VPS13D: variants seen among roughly 807,000 people sequenced by gnomAD.
VPS13D encodes vacuolar protein sorting 13 homolog D.
VPS13D carries 187 observed loss-of-function variants against 461.9 expected under a neutral mutation model. That is an observed-to-expected ratio of 0.40 (90% CI 0.36 to 0.46). VPS13D has a LOEUF of 0.46. VPS13D is among the 20% of genes least tolerant of loss of function. VPS13D has a pLI of 0.60. For missense variants in VPS13D, 4,711 were observed against 5,364.9 expected, an observed-to-expected ratio of 0.88 and a Z score of 3.81; for synonymous variants, 1,951 against 1,986.3, an observed-to-expected ratio of 0.98 and a Z score of 0.47.
intron 67 of VPS13D, among the ~76,000 whole-genome samples, chr1:12,493,177 A>G (rs1645907957): frequency 6.7e-6 from 1 of 149,214 alleles, no homozygotes; most frequent in African/African-American, 2.5e-5. Flanking sequence ...CCTAAAGACC[A>G]GTTATTAAAA....
intron 67 of VPS13D, among the ~76,000 whole-genome samples, chr1:12,484,887 C>T (rs1645776725): frequency 6.6e-6 from 1 of 151,948 alleles, no homozygotes; most frequent in African/African-American, 2.4e-5. Context: ...AGTGTGATGC[C>T]ACAGGTTTCA....
At chr1:12,399,918 C>G (rs1415987312) in intron 60 of VPS13D, among the ~76,000 whole-genome samples, 2 of 152,042 alleles carry the variant, frequency 1.3e-5, no homozygotes, top group Non-Finnish European at 2.9e-5. Flanking sequence ...ATATGTATTG[C>G]CTCACATACT....
At chr1:12,247,703 A>ATTT (rs778720883) in intron 5 of VPS13D, among the ~76,000 whole-genome samples, 5 of 131,324 alleles carry the variant, frequency 3.8e-5, no homozygotes, top group Non-Finnish European at 6.6e-5. Context: ...CTTTGCCACA[A>ATTT]TTTTTTTTTT....
intron 63 of VPS13D, among the ~76,000 whole-genome samples, chr1:12,405,823 G>C (rs1443116157): frequency 6.6e-6 from 1 of 152,112 alleles, no homozygotes; most frequent in African/African-American, 2.4e-5. Context: ...TTTCCTGAGG[G>C]TTGAGGACTT....
At chr1:12,485,585 G>A (rs1645787069) in intron 67 of VPS13D, among the ~76,000 whole-genome samples, 1 of 152,204 alleles carries the variant, frequency 6.6e-6, no homozygotes, top group East Asian at 1.9e-4. Context: ...TCAGCTTTTT[G>A]CATTTCATCA....
At chr1:12,382,838 G>T in intron 57 of VPS13D, 138 bp from the exon 58 acceptor site, 1 of 716,896 alleles carries the variant, frequency 1.4e-6, no homozygotes, top group East Asian at 2.6e-5. Context: ...TGAACAAATA[G>T]TAAAGGCTTT....
chr1:12,491,636 T>G (rs1223093597), intron 67 of VPS13D, among the ~76,000 whole-genome samples: 1 of 152,222 alleles, frequency 6.6e-6, no homozygotes, highest in Non-Finnish European at 1.5e-5. Flanking sequence ...AATGGCCAGA[T>G]GCAGGCACAC....
At chr1:12,508,857 C>A in intron 69 of VPS13D, 36 bp from the exon 70 acceptor site, 1 of 1,605,338 alleles carries the variant, frequency 6.2e-7, no homozygotes. Context: ...TTTCCCCATC[C>A]TGGGGACAGG....
At chr1:12,235,411 A>G (rs1640116377) in intron 2 of VPS13D, among the ~76,000 whole-genome samples, 1 of 152,016 alleles carries the variant, frequency 6.6e-6, no homozygotes, top group South Asian at 2.1e-4. Context: ...ACCTGTCTCT[A>G]CTAAAAATAC....
At chr1:12,290,690 T>C (rs1255589067) in intron 22 of VPS13D, among the ~76,000 whole-genome samples, 3 of 149,580 alleles carry the variant, frequency 2.0e-5, no homozygotes, top group Non-Finnish European at 4.4e-5. Flanking sequence ...GCCACTGTAC[T>C]CCAGCCTGGG....
rs984220223 is a variant in VPS13D, at chr1:12,378,501, C to T, written c.10991C>T (p.Pro3664Leu). 1 of 1,612,868 alleles carries T rather than the reference C, an allele frequency of 6.2e-7. No homozygotes were observed. The highest frequency in any genetic ancestry group is 1.3e-5 in the African/African-American group (1 of 74,924). ...CTGGCCCATGAGGGCTCCTCAGTTC[C>T]TCACAATCCCAATAAGCCCTCAGCC... The part of the protein sequence containing the change: ...GMLAHEGSSV[P>L]HNPNKPSAAR... Residue 3664 changes from proline (P) to leucine (L), a missense_variant, in exon 56 of 70, where the codon CCT becomes CTT. Physicochemically the swap from Pro to Leu is moderately conservative, Grantham distance 98. Coordinates refer to ENST00000620676, the MANE Select transcript of VPS13D (RefSeq NM_015378.4).
intron 67 of VPS13D, among the ~76,000 whole-genome samples, chr1:12,465,875 G>C (rs1373281115): frequency 2.0e-5 from 3 of 152,158 alleles, no homozygotes; most frequent in African/African-American, 4.8e-5. Flanking sequence ...GGTGGCTCAC[G>C]CCTGTAATCC....
intron 46 of VPS13D, among the ~76,000 whole-genome samples, chr1:12,353,046 T>C (rs1459348461): frequency 2.3e-5 from 3 of 127,992 alleles, no homozygotes; most frequent in Non-Finnish European, 1.6e-5. Context: ...AATGAAGATA[T>C]ATGTCCAAAA....
At chr1:12,342,191 C>CT (rs1237934735) in intron 41 of VPS13D, among the ~76,000 whole-genome samples, 1 of 152,142 alleles carries the variant, frequency 6.6e-6, no homozygotes, top group East Asian at 1.9e-4. Flanking sequence ...CGATCTCTAC[C>CT]TTCTTTCCCA....
At position 12,299,716 on chromosome 1, in the gene VPS13D, C is replaced by G. The variant is rs1298603769; in HGVS notation, c.6216+332C>G. Among the ~76,000 whole-genome samples, 1 of 152,050 alleles carries G rather than the reference C, an allele frequency of 6.6e-6. No homozygotes were observed. Among genetic ancestry groups the G allele is most frequent in the Admixed American group, 6.5e-5 (1 of 15,272 alleles). On this transcript the variant is annotated intron_variant, in intron 25 of 69. Transcript: ENST00000620676. This position sits in a 1 kb window ranked among gnomAD's most constrained non-coding sequence, Gnocchi z 4.2. ...TTAGCAAACAAACCAATGGAATCAA[C>G]CTTCCATCTTTTTATAATGCTTTCT...
Position 12,335,701 on chromosome 1 carries a change from C to G in VPS13D, c.8429-4C>G. 6.2e-7 allele frequency: 1 copy of G among 1,610,390 alleles called. No homozygotes were observed. The highest frequency in any genetic ancestry group is 1.1e-5 in the South Asian group (1 of 90,402). ...TCTTAATATCTCTGGGGGATTCTTTCTAGACCAGTATGTAAGTACCAAGGA... is the reference window on the plus strand; with the variant it reads ...TCTTAATATCTCTGGGGGATTCTTTGTAGACCAGTATGTAAGTACCAAGGA... On this transcript the variant is annotated splice_region_variant and splice_polypyrimidine_tract_variant and intron_variant, in intron 38 of 69. Coordinates refer to ENST00000620676, the MANE Select transcript of VPS13D (RefSeq NM_015378.4).
At chr1:12,390,832 A>G (rs1175379263) in intron 60 of VPS13D, among the ~76,000 whole-genome samples, 2 of 152,166 alleles carry the variant, frequency 1.3e-5, no homozygotes, top group Non-Finnish European at 2.9e-5. Flanking sequence ...CCCTGCCACC[A>G]TGGCCACTTT....
intron 53 of VPS13D, among the ~76,000 whole-genome samples, chr1:12,369,229 CTG>C (rs142328809): frequency 0.029 from 4,329 of 146,872 alleles, 140 homozygotes; most frequent in Admixed American, 0.11. Flanking sequence ...GTGTGTGTAT[CTG>C]TGTGTGTGTG....
chr1:12,313,631 A>C (rs2101505647), intron 29 of VPS13D, among the ~76,000 whole-genome samples: 1 of 152,268 alleles, frequency 6.6e-6, no homozygotes, highest in South Asian at 2.1e-4. Flanking sequence ...TTGGTAGATT[A>C]GTTGAATTAT....
Sources: allele counts gnomAD v4.1 joint callset (sites outside exome capture counted in the v4.1 genomes callset), GRCh38; gene constraint gnomAD v4.1.1; non-coding constraint Gnocchi (gnomAD v3.1); transcripts MANE v1.5; gene names NCBI Gene and HGNC (gene_info 2026-07-23, HGNC 2026-07-21).